NR3C1: variants seen among roughly 807,000 people sequenced by gnomAD.
The protein encoded by NR3C1 is nuclear receptor subfamily 3 group C member 1.
Under a neutral mutation model 74.0 loss-of-function variants are expected in NR3C1, and 14 were observed. The ratio of observed to expected loss-of-function variants is 0.19; its 90% confidence interval spans 0.12 to 0.30. NR3C1 has a LOEUF of 0.30. Ranked by LOEUF, NR3C1 falls within the 10% of genes least tolerant of loss-of-function variation. The pLI, the probability that NR3C1 is intolerant of heterozygous loss-of-function variation, is 1.00. For missense variants in NR3C1, 695 were observed against 909.8 expected, an observed-to-expected ratio of 0.76 and a Z score of 3.04; for synonymous variants, 308 against 332.5, an observed-to-expected ratio of 0.93 and a Z score of 0.80.
At chr5:143,337,830 T>C (rs916099258) in intron 2 of NR3C1, among the ~76,000 whole-genome samples, 5 of 152,210 alleles carry the variant, frequency 3.3e-5, no homozygotes, top group African/African-American at 9.6e-5. Flanking sequence ...AGGATGTTTA[T>C]ATAGGTAGTA....
At chr5:143,318,474 G>A (rs1822643549) in intron 2 of NR3C1, among the ~76,000 whole-genome samples, 1 of 152,094 alleles carries the variant, frequency 6.6e-6, no homozygotes, top group Non-Finnish European at 1.5e-5. Flanking sequence ...GGTTCACTGA[G>A]TTATGCAGAT....
chr5:143,288,356 T>C (rs1473444713), intron 7 of NR3C1, among the ~76,000 whole-genome samples: 2 of 152,012 alleles, frequency 1.3e-5, no homozygotes, highest in African/African-American at 4.8e-5. Flanking sequence ...CCTGACTTGA[T>C]GATCTGCCCA....
rs1484234768 is a variant in NR3C1 at position 143,334,236 on chromosome 5, G to A, written c.1185-20068C>T. ...ATCTCTACTAAAAATACAAAAATTAGCCGGGCATGGTGGCACGTGCCTGTA... is the reference window on the plus strand; with the variant it reads ...ATCTCTACTAAAAATACAAAAATTAACCGGGCATGGTGGCACGTGCCTGTA... On this transcript the variant is annotated intron_variant, in intron 2 of 8. Transcript: ENST00000394464. Among the ~76,000 whole-genome samples, 5 of 152,004 alleles carry A rather than the reference G, an allele frequency of 3.3e-5. 1 individual carries two copies. The East Asian group carries it at 7.7e-4, about 23-fold the overall frequency.
chr5:143,308,164 C>CAAAAG (rs1272048487), intron 4 of NR3C1, among the ~76,000 whole-genome samples: 1 of 152,092 alleles, frequency 6.6e-6, no homozygotes. Flanking sequence ...TCTCTCCTAT[C>CAAAAG]AAAAGAACCA....
upstream of NR3C1, among the ~76,000 whole-genome samples, chr5:143,408,190 T>C (rs979203593): frequency 5.3e-5 from 8 of 152,190 alleles, 1 homozygote; most frequent in South Asian, 6.2e-4. Context: ...ATTGATATAG[T>C]GTAGCAGTTA....
At chr5:143,396,147 C>A (rs1839145157) in intron 2 of NR3C1, among the ~76,000 whole-genome samples, 1 of 151,812 alleles carries the variant, frequency 6.6e-6, no homozygotes, top group South Asian at 2.1e-4. Flanking sequence ...TCAATAAAAT[C>A]TGACCACATG....
At chr5:143,334,635 C>T (rs995513408) in intron 2 of NR3C1, among the ~76,000 whole-genome samples, 10 of 151,510 alleles carry the variant, frequency 6.6e-5, no homozygotes, top group Non-Finnish European at 1.2e-4. Context: ...ATAATTGAAT[C>T]TGGAGAGTCC....
intron 2 of NR3C1, among the ~76,000 whole-genome samples, chr5:143,377,022 G>C (rs376752773): frequency 5.3e-5 from 8 of 152,228 alleles, no homozygotes; most frequent in Non-Finnish European, 7.4e-5. Flanking sequence ...CACTGGGAAG[G>C]CTCTTTTGTC....
chr5:143,403,552 A>T lies in NR3C1; in HGVS notation c.-355T>A. On this transcript the variant is annotated 5_prime_UTR_variant, in exon 1 of 9. Transcript: ENST00000394464. ...ATCCGTCCCCGACGGGCAGGCGGTG[A>T]CTCGGGCTCCCGTCACAGACACGAG... 1.0e-6 allele frequency: 1 copy of T among 985,590 alleles called. No homozygotes were observed. 61.1% of individuals were successfully genotyped at this position (985,590 alleles called of 1,614,324 possible).
intron 4 of NR3C1, among the ~76,000 whole-genome samples, chr5:143,304,971 C>A (rs1819268135): frequency 1.3e-5 from 2 of 152,266 alleles, no homozygotes; most frequent in Admixed American, 1.3e-4. Context: ...AAATAACCTT[C>A]TCGACATTGG....
At position 143,300,078 on chromosome 5, in the gene NR3C1, A is replaced by G. The variant is rs1370069855; in HGVS notation, c.1747+407T>C. Among the ~76,000 whole-genome samples, 2 of 152,238 alleles carry G rather than the reference A, an allele frequency of 1.3e-5. No individual in the cohort carries two copies. Among genetic ancestry groups the G allele is most frequent in the South Asian group, 2.1e-4 (1 of 4,834 alleles). ...GGTTAAAATCATTCTACTTTAGTAC[A>G]AATTTTGACAATCAACATACTTGAT... On this transcript the variant is annotated intron_variant, in intron 5 of 8. Transcript: ENST00000394464. This position sits in a 1 kb window ranked among gnomAD's most constrained non-coding sequence, Gnocchi z 5.2.
At chr5:143,408,207 A>G (rs1304930866), upstream of NR3C1, among the ~76,000 whole-genome samples, 1 of 152,214 alleles carries the variant, frequency 6.6e-6, no homozygotes, top group Admixed American at 6.5e-5. Context: ...GTTAAAAGCC[A>G]GACTATAAAG....
intron 1 of NR3C1, among the ~76,000 whole-genome samples, chr5:143,422,674 C>T (rs1293269181): frequency 6.6e-6 from 1 of 152,188 alleles, no homozygotes; most frequent in African/African-American, 2.4e-5. Flanking sequence ...GAAGCAGGTC[C>T]TCACCAGATA....
intron 2 of NR3C1, among the ~76,000 whole-genome samples, chr5:143,380,221 CT>C (rs1326286349): frequency 6.6e-6 from 1 of 152,090 alleles, no homozygotes; most frequent in East Asian, 1.9e-4. Context: ...AATTATTTGA[CT>C]TAAATTTGCA....
At chr5:143,286,374 A>C (rs560822162) in intron 7 of NR3C1, among the ~76,000 whole-genome samples, 24 of 152,298 alleles carry the variant, frequency 1.6e-4, no homozygotes, top group Non-Finnish European at 2.6e-4. Flanking sequence ...AGTACAATGA[A>C]TTCAGCTATA....
intron 1 of NR3C1, among the ~76,000 whole-genome samples, chr5:143,429,240 C>A (rs1193792529): frequency 6.6e-6 from 1 of 152,194 alleles, no homozygotes; most frequent in Non-Finnish European, 1.5e-5. Context: ...AGTTAAGTAA[C>A]TTGCCCAGGT....
At chr5:143,386,778 A>G (rs757853723) in intron 2 of NR3C1, among the ~76,000 whole-genome samples, 3 of 152,236 alleles carry the variant, frequency 2.0e-5, no homozygotes, top group Admixed American at 6.5e-5. Context: ...GGAGTCAATT[A>G]TAAGACTATC....
Position 143,375,238 on chromosome 5 carries a change from C to A in NR3C1, c.1184+24418G>T, listed in dbSNP as rs146724591. On this transcript the variant is annotated intron_variant, in intron 2 of 8. Coordinates refer to ENST00000394464, the MANE Select transcript of NR3C1 (RefSeq NM_000176.3). The stretch of plus-strand genomic sequence containing the variant: ...CTTCTAAAAGAAAAATGTAAAAAAA[C>A]CATGATTTAATGCTTCTGAAAATAC... 2.7e-4 allele frequency among the ~76,000 whole-genome samples: 41 copies of A among 152,204 alleles called. No individual in the cohort carries two copies. The East Asian group carries it at 6.4e-3, about 24-fold the overall frequency.
At chr5:143,304,673 G>GT (rs1258769214) in intron 4 of NR3C1, among the ~76,000 whole-genome samples, 1 of 152,004 alleles carries the variant, frequency 6.6e-6, no homozygotes, top group African/African-American at 2.4e-5. Flanking sequence ...ACAGGCTATA[G>GT]TAACCGAAAC....
Sources: allele counts gnomAD v4.1 joint callset (sites outside exome capture counted in the v4.1 genomes callset), GRCh38; gene constraint gnomAD v4.1.1; non-coding constraint Gnocchi (gnomAD v3.1); transcripts MANE v1.5; gene names NCBI Gene and HGNC (gene_info 2026-07-23, HGNC 2026-07-21).